COL6A5: variants seen among roughly 807,000 people sequenced by gnomAD.
The protein encoded by COL6A5 is collagen type VI alpha 5 chain.
COL6A5 carries 48 observed loss-of-function variants against 65.6 expected under a neutral mutation model. The observed-to-expected ratio is 0.73, with a 90% CI of 0.58 to 0.93. The LOEUF is 0.93. Among genes scored for constraint, COL6A5 ranks in the 40% least tolerant of loss-of-function variants. COL6A5 has a pLI of 0.00. For synonymous variants in COL6A5, 291 were observed against 322.8 expected, an observed-to-expected ratio of 0.90 and a Z score of 1.05; for missense variants, 914 against 928.3, an observed-to-expected ratio of 0.98 and a Z score of 0.20.
At chr3:130,389,646 A>G (rs1326672121) in intron 6 of COL6A5, among the ~76,000 whole-genome samples, 1 of 151,734 alleles carries the variant, frequency 6.6e-6, no homozygotes, top group Non-Finnish European at 1.5e-5. Context: ...TATCAACTGG[A>G]TATTTTATAT....
At chr3:130,349,206 G>A (rs1326644645) in intron 1 of COL6A5, among the ~76,000 whole-genome samples, 3 of 152,142 alleles carry the variant, frequency 2.0e-5, no homozygotes, top group Non-Finnish European at 4.4e-5. Context: ...GATGAAATAA[G>A]TCACTTCGTT....
exon 5 of COL6A5, chr3:130,385,344 G>T (rs773976201): frequency 6.5e-7 from 1 of 1,550,184 alleles, no homozygotes; most frequent in Non-Finnish European, 8.7e-7. Flanking sequence ...GAAGTCGTTC[G>T]TGAAATCTGC....
At chr3:130,441,844 ACACTTCTC>A (rs1709190370) in intron 3 of COL6A5, among the ~76,000 whole-genome samples, 1 of 152,204 alleles carries the variant, frequency 6.6e-6, no homozygotes, top group Admixed American at 6.5e-5. Flanking sequence ...ATGTTGAGAA[ACACTTCTC>A]CATAATATCC....
exon 2 of COL6A5, chr3:130,439,597 C>T (rs1448732352): frequency 1.5e-5 from 23 of 1,550,772 alleles, no homozygotes; most frequent in Admixed American, 5.9e-5. Context: ...AAGACTTCGG[C>T]GCTGTGCACT....
chr3:130,363,038 C>T (rs550720539), intron 1 of COL6A5, among the ~76,000 whole-genome samples: 108 of 152,188 alleles, frequency 7.1e-4, no homozygotes, highest in Admixed American at 7.1e-3. Context: ...TAATATCTAC[C>T]ATATTTGTTA....
At chr3:130,453,582 T>C (rs930241994) in intron 4 of COL6A5, among the ~76,000 whole-genome samples, 5 of 152,216 alleles carry the variant, frequency 3.3e-5, no homozygotes, top group African/African-American at 1.2e-4. Flanking sequence ...ATATAAATAG[T>C]GTTCCTTGAT....
At chr3:130,455,627 A>G in exon 5 of COL6A5, 2 of 1,613,190 alleles carry the variant, frequency 1.2e-6, no homozygotes, top group Non-Finnish European at 1.7e-6. Context: ...CAATTATGAA[A>G]AAGATCAAAA....
chr3:130,474,197 T>C (rs879703180), intron 7 of COL6A5, among the ~76,000 whole-genome samples: 73 of 152,080 alleles, frequency 4.8e-4, no homozygotes, highest in Non-Finnish European at 8.5e-4. Flanking sequence ...TCTCAGACCC[T>C]TCCCTAAACT....
At position 130,483,301 on chromosome 3, in the gene COL6A5, G is replaced by A. The variant is rs72986401; in HGVS notation, c.2329-734G>A. Among the ~76,000 whole-genome samples the A allele has an allele frequency of 7.5e-3, 1,145 of 152,284 alleles. 10 individuals carry two copies. The highest frequency in any genetic ancestry group is 0.026 in the African/African-American group (1,092 of 41,556). On this transcript the variant is annotated intron_variant, in intron 7 of 7. Coordinates refer to ENST00000512836, the Ensembl canonical transcript of COL6A5. ...AAATTGTAAAGACCATCGACACTATGAAGAAGCTGTGTCAACTAATGGGCA... is the reference window on the plus strand; with the variant it reads ...AAATTGTAAAGACCATCGACACTATAAAGAAGCTGTGTCAACTAATGGGCA...
intron 7 of COL6A5, among the ~76,000 whole-genome samples, chr3:130,475,309 A>G (rs1021102059): frequency 3.9e-5 from 6 of 152,024 alleles, no homozygotes; most frequent in Non-Finnish European, 8.8e-5. Context: ...AAATTCAGAC[A>G]CATCATAATC....
At chr3:130,473,883 C>T (rs1710023110) in intron 7 of COL6A5, among the ~76,000 whole-genome samples, 1 of 152,110 alleles carries the variant, frequency 6.6e-6, no homozygotes, top group South Asian at 2.1e-4. Flanking sequence ...TCTTCTTCTT[C>T]CCTGGTTCCC....
At chr3:130,419,491 C>G (rs1227253176) in intron 25 of COL6A5, among the ~76,000 whole-genome samples, 1 of 151,752 alleles carries the variant, frequency 6.6e-6, no homozygotes, top group African/African-American at 2.4e-5. Flanking sequence ...TTCACAATAG[C>G]CAAGAAAATA....
chr3:130,391,702 G>A lies in COL6A5; in HGVS notation c.2940G>A (p.Leu980=), dbSNP rs140990900. ...TCTATGTAGATAATTTTGACAAACTGAAAGATGTTTTCACACTTGTTCAAG... is the reference window on the plus strand; with the variant it reads ...TCTATGTAGATAATTTTGACAAACTAAAAGATGTTTTCACACTTGTTCAAG... Residue 980 remains leucine (L), a synonymous_variant and NMD_transcript_variant, in exon 7 of 42, where the codon CTG becomes CTA. Transcript: ENST00000312481. 179 of 1,551,590 alleles carry A rather than the reference G, an allele frequency of 1.2e-4. 1 individual carries two copies. In the East Asian group the frequency reaches 4.2e-3, roughly 36 times the overall value.
At chr3:130,379,535 C>T in exon 4 of COL6A5, 2 of 1,551,346 alleles carry the variant, frequency 1.3e-6, no homozygotes, top group African/African-American at 2.7e-5. Flanking sequence ...GAGAACATTA[C>T]CAGCTCCATG....
At chr3:130,372,670 T>C (rs1935613269) in intron 1 of COL6A5, among the ~76,000 whole-genome samples, 1 of 151,150 alleles carries the variant, frequency 6.6e-6, no homozygotes, top group African/African-American at 2.4e-5. Context: ...AGAAGGGGAG[T>C]GGGGGAATGG....
intron 25 of COL6A5, among the ~76,000 whole-genome samples, chr3:130,420,762 A>ATT (rs11413566): frequency 6.6e-6 from 1 of 151,740 alleles, no homozygotes; most frequent in Non-Finnish European, 1.5e-5. Flanking sequence ...TCAAATTTGC[A>ATT]TTTTTTTGTT....
chr3:130,376,853 T>G lies in COL6A5; in HGVS notation c.667+17T>G. ...ATATGCAAGGTAAGGAAACCCTTGG[T>G]TGAAGAGGTGCCTGATCCCCAGGTG... On this transcript the variant is annotated intron_variant and NMD_transcript_variant, in intron 3 of 41. Coordinates refer to the COL6A5 transcript ENST00000312481. 1 of 1,589,472 alleles carries G rather than the reference T, an allele frequency of 6.3e-7. No homozygotes were observed. The highest frequency in any genetic ancestry group is 8.6e-7 in the Non-Finnish European group (1 of 1,167,650).
At chr3:130,372,011 A>T (rs532142084) in intron 1 of COL6A5, among the ~76,000 whole-genome samples, 1 of 152,314 alleles carries the variant, frequency 6.6e-6, no homozygotes, top group African/African-American at 2.4e-5. Context: ...AAACCCAGTT[A>T]AAAATGGGTA....
At chr3:130,420,676 T>C (rs1937498933) in intron 25 of COL6A5, among the ~76,000 whole-genome samples, 1 of 152,166 alleles carries the variant, frequency 6.6e-6, no homozygotes, top group African/African-American at 2.4e-5. Flanking sequence ...GTGTTTGTTT[T>C]AGGGCATCCA....
Sources: gnomAD v4.1 joint callset for allele counts (sites outside exome capture counted in the v4.1 genomes callset) on GRCh38, gnomAD v4.1.1 for gene constraint, MANE v1.5 for transcripts, NCBI Gene and HGNC (gene_info 2026-07-23, HGNC 2026-07-21) for gene names.